The following VPS50 variants were observed in gnomAD, a reference collection of about 807,000 sequenced individuals.
VPS50 encodes syndetin.
VPS50 carries 70 observed loss-of-function variants against 139.7 expected under a neutral mutation model. The observed-to-expected ratio is 0.50, with a 90% confidence interval of 0.41 to 0.61. The LOEUF (loss-of-function observed/expected upper bound fraction) is 0.61, where lower values mean the gene tolerates loss of function less well. VPS50 is among the 20% of genes least tolerant of loss of function. The pLI is 0.00. For synonymous variants in VPS50, 365 were observed against 376.7 expected, an observed-to-expected ratio of 0.97 and a Z score of 0.36; for missense variants, 921 against 1,133.7, an observed-to-expected ratio of 0.81 and a Z score of 2.69.
At position 93,240,219 on chromosome 7, in the gene VPS50, A is replaced by G. The variant is rs774303768; in HGVS notation, c.102+285A>G. On this transcript the variant is annotated intron_variant, in intron 2 of 27. Transcript: ENST00000305866. Reference sequence around the variant, plus strand: ...AAAGCAGTTGTATATATGTGTATGCACACACACACACACACACACACACAC... The same window carrying G: ...AAAGCAGTTGTATATATGTGTATGCGCACACACACACACACACACACACAC... Among the ~76,000 whole-genome samples the G allele has an allele frequency of 5.2e-3, 486 of 92,856 alleles. 1 individual carries two copies. Among genetic ancestry groups the G allele is most frequent in the Middle Eastern group, 0.011 (2 of 178 alleles). The allele number at this position is 92,856 out of a possible 152,430, so 60.9% of individuals were successfully genotyped here.
chr7:93,342,920 C>G (rs1223704830), intron 23 of VPS50, among the ~76,000 whole-genome samples: 1 of 152,112 alleles, frequency 6.6e-6, no homozygotes, highest in Non-Finnish European at 1.5e-5. Flanking sequence ...CTAAAAAGCA[C>G]AGCACCTCTC....
chr7:93,323,664 C>T lies in VPS50; in HGVS notation c.1909C>T (p.His637Tyr). ...ILKPIAFDVI[H>Y]FMSQLFDYYL... ...TAAGCCAATTGCCTTTGATGTTATT[C>T]ATTTCATGTCTCAACTATTTGATTA... The change falls in exon 21 of 28, where the codon CAT becomes TAT. Residue 637 changes from histidine to tyrosine, a missense_variant. Transcript: ENST00000305866. 7.4e-7 allele frequency: 1 copy of T among 1,359,682 alleles called. No homozygotes were observed. The highest frequency in any genetic ancestry group is 1.0e-6 in the Non-Finnish European group (1 of 1,004,872). 84.2% of individuals were successfully genotyped at this position (1,359,682 alleles called of 1,614,324 possible).
At chr7:93,313,220 C>G (rs1226483339) in intron 20 of VPS50, among the ~76,000 whole-genome samples, 2 of 152,100 alleles carry the variant, frequency 1.3e-5, no homozygotes, top group Non-Finnish European at 2.9e-5. Flanking sequence ...GCAAGTCAGG[C>G]TTGGCAAAGG....
Position 93,232,401 on chromosome 7 carries a change from A to G in VPS50, c.-67A>G, listed in dbSNP as rs1035679147. ...ACTATGGCTTCCTAGTGTCAGGGCC[A>G]GCTGTGTAGTGGCTCGGTGTGATTT... is the stretch of plus-strand genomic sequence containing the variant. On this transcript the variant is annotated 5_prime_UTR_variant, in exon 1 of 28. Coordinates refer to ENST00000305866, the MANE Select transcript of VPS50 (RefSeq NM_017667.4). The G allele has an allele frequency of 1.4e-4, 186 of 1,363,436 alleles. No homozygotes were observed. Among genetic ancestry groups the G allele is most frequent in the Non-Finnish European group, 1.9e-4 (177 of 952,930 alleles). The allele number at this position is 1,363,436 out of a possible 1,614,324, so 84.5% of individuals were successfully genotyped here. A position where few individuals can be genotyped will look rare whatever the true frequency, so the allele number is the denominator to read the frequency against.
chr7:93,263,020 G>A (rs1227835418), intron 9 of VPS50, among the ~76,000 whole-genome samples: 1 of 152,036 alleles, frequency 6.6e-6, no homozygotes, highest in East Asian at 1.9e-4. Context: ...TTATAAATTA[G>A]ATACACCTCT....
intron 9 of VPS50, among the ~76,000 whole-genome samples, chr7:93,270,425 A>G (rs1208351306): frequency 6.6e-6 from 1 of 152,062 alleles, no homozygotes; most frequent in South Asian, 2.1e-4. Context: ...TTCTTTTGCC[A>G]AACATATTTT....
chr7:93,257,978 G>A (rs1321116606), intron 6 of VPS50, 181 bp from the exon 7 acceptor site: 4 of 454,592 alleles, frequency 8.8e-6, no homozygotes, highest in Admixed American at 7.9e-5. Context: ...CAATCTTCTC[G>A]TGGTGTTCTG....
intron 20 of VPS50, among the ~76,000 whole-genome samples, chr7:93,318,410 A>G (rs903236700): frequency 1.3e-5 from 2 of 152,224 alleles, no homozygotes; most frequent in African/African-American, 4.8e-5. Context: ...GAATTGCCCA[A>G]GCTGAACCAA....
intron 12 of VPS50, among the ~76,000 whole-genome samples, chr7:93,288,107 C>T (rs1796544562): frequency 6.6e-6 from 1 of 152,042 alleles, no homozygotes; most frequent in African/African-American, 2.4e-5. Context: ...CTCTCACTTA[C>T]AAAACCATCA....
intron 22 of VPS50, among the ~76,000 whole-genome samples, chr7:93,339,918 T>C (rs932316444): frequency 5.3e-5 from 8 of 152,230 alleles, no homozygotes; most frequent in Non-Finnish European, 8.8e-5. Context: ...ATTTCTCTTA[T>C]GGAATTTTTT....
Position 93,252,912 on chromosome 7 carries a change from A to G in VPS50, c.225+137A>G, listed in dbSNP as rs983838684. The G allele has an allele frequency of 9.9e-6, 6 of 606,750 alleles. No individual in the cohort carries two copies. The Admixed American group carries it at 1.8e-4, about 19-fold the overall frequency. 37.6% of individuals were successfully genotyped at this position (606,750 alleles called of 1,614,324 possible). ...TCTGTGATTACCACATTGTGATTAA[A>G]TCAACTGTCAGCATTGTTTGGCGAT... On this transcript the variant is annotated intron_variant, in intron 3 of 27. Transcript: ENST00000305866.
chr7:93,254,473 C>T (rs918422711), intron 4 of VPS50, among the ~76,000 whole-genome samples: 2 of 152,100 alleles, frequency 1.3e-5, no homozygotes, highest in African/African-American at 4.8e-5. Context: ...CTCACTGTTG[C>T]CCAGGCTGGT....
intron 2 of VPS50, among the ~76,000 whole-genome samples, chr7:93,250,098 G>A (rs1795277238): frequency 6.6e-6 from 1 of 151,972 alleles, no homozygotes; most frequent in Admixed American, 6.6e-5. Flanking sequence ...TGTATTTTAT[G>A]AGTTAGCACA....
chr7:93,329,362 A>G (rs572597435), intron 21 of VPS50, among the ~76,000 whole-genome samples: 1 of 152,280 alleles, frequency 6.6e-6, no homozygotes, highest in South Asian at 2.1e-4. Flanking sequence ...ATGACAGAAG[A>G]AAGAATATGT....
chr7:93,341,615 A>G, intron 23 of VPS50, 40 bp downstream of exon 23: 3 of 1,427,556 alleles, frequency 2.1e-6, no homozygotes, highest in Non-Finnish European at 2.9e-6. Context: ...TTAAATATTT[A>G]AGAAACTTTA....
intron 20 of VPS50, among the ~76,000 whole-genome samples, chr7:93,322,158 A>T (rs1450476782): frequency 6.6e-6 from 1 of 152,148 alleles, no homozygotes; most frequent in Non-Finnish European, 1.5e-5. Context: ...TCTCTTCTTG[A>T]CCATCTATTA....
intron 18 of VPS50, among the ~76,000 whole-genome samples, chr7:93,306,782 G>T (rs1397423211): frequency 1.3e-5 from 2 of 151,694 alleles, no homozygotes; most frequent in African/African-American, 4.8e-5. Context: ...TTTTATTTTT[G>T]ATTTGATGAA....
At chr7:93,303,700 G>A (rs1797042103) in intron 17 of VPS50, 150 bp downstream of exon 17, 1 of 427,286 alleles carries the variant, frequency 2.3e-6, no homozygotes, top group Non-Finnish European at 4.2e-6. Context: ...GTCATTAGTA[G>A]CCAGCCTCTT....
chr7:93,259,769 A>G (rs1458099477), intron 9 of VPS50, 137 bp downstream of exon 9: 1 of 459,404 alleles, frequency 2.2e-6, no homozygotes, highest in Non-Finnish European at 3.9e-6. Context: ...ATATATGGGC[A>G]GTACAATAAA....
Sources: gnomAD v4.1 joint callset for allele counts (sites outside exome capture counted in the v4.1 genomes callset) on GRCh38, gnomAD v4.1.1 for gene constraint, MANE v1.5 for transcripts, NCBI Gene and HGNC (gene_info 2026-07-23, HGNC 2026-07-21) for gene names.